The following LARP4B variants were observed in gnomAD, a reference collection of about 807,000 sequenced individuals.
LARP4B encodes the protein la-related protein 4B.
A neutral mutation model predicts 89.8 loss-of-function variants in LARP4B; 12 were observed. The observed-to-expected ratio is 0.13, with a 90% CI of 0.09 to 0.22. LARP4B has a LOEUF of 0.22. Among genes scored for constraint, LARP4B ranks in the 10% least tolerant of loss-of-function variants. The probability of loss-of-function intolerance (pLI) is 1.00; values close to 1 mark genes in which losing one functional copy is unlikely to be tolerated. For missense variants in LARP4B, 757 were observed against 947.7 expected (o/e 0.80, Z 2.64); for synonymous variants, 367 against 363.3 (o/e 1.01, Z -0.12).
intron 3 of LARP4B, among the ~76,000 whole-genome samples, chr10:873,858 C>T (rs1835344584): frequency 6.6e-6 from 1 of 152,000 alleles, no homozygotes; most frequent in Admixed American, 6.6e-5. Flanking sequence ...TTTAAAATGC[C>T]CTAGCAAATA....
chr10:965,008 C>G, the LARP4B span, among the ~76,000 whole-genome samples: 3 of 152,234 alleles, frequency 2.0e-5, no homozygotes, highest in Non-Finnish European at 4.4e-5. Flanking sequence ...GGGGCCTCCA[C>G]CCAGGGCTGC....
intron 5 of LARP4B, among the ~76,000 whole-genome samples, chr10:858,284 G>A (rs1042140741): frequency 5.3e-5 from 8 of 152,060 alleles, no homozygotes; most frequent in South Asian, 2.1e-4. Context: ...GGCGTGCCAC[G>A]ATCGTTCTAT....
At chr10:887,011 C>T (rs1835876210) in intron 1 of LARP4B, among the ~76,000 whole-genome samples, 1 of 152,056 alleles carries the variant, frequency 6.6e-6, no homozygotes, top group African/African-American at 2.4e-5. Flanking sequence ...CGCTTGAACC[C>T]GGGAAGCAGG....
chr10:952,426 G>A, the LARP4B span, among the ~76,000 whole-genome samples: 5 of 139,672 alleles, frequency 3.6e-5, 2 homozygotes, highest in Admixed American at 3.7e-4. Context: ...GGAAGAAATC[G>A]CACCAGCCCA....
intron 5 of LARP4B, among the ~76,000 whole-genome samples, chr10:857,258 A>G (rs1361018496): frequency 2.0e-5 from 3 of 152,134 alleles, no homozygotes; most frequent in Non-Finnish European, 4.4e-5. Flanking sequence ...AAATGGATAA[A>G]GGAGACAGCA....
chr10:808,224 T>G (rs1019326927), downstream of LARP4B: 1 of 152,262 alleles, frequency 6.6e-6, no homozygotes, highest in Non-Finnish European at 1.5e-5. Flanking sequence ...GGGTTTGTTA[T>G]GTGGCAACAG....
At chr10:820,904 G>A (rs540267342) in intron 13 of LARP4B, 59 bp from the exon 14 acceptor site, 1 of 1,467,616 alleles carries the variant, frequency 6.8e-7, no homozygotes, top group Non-Finnish European at 9.5e-7. Context: ...ATTTATTATT[G>A]AGCACGTTTG....
At chr10:883,804 A>G (rs1835763702) in intron 3 of LARP4B, among the ~76,000 whole-genome samples, 1 of 151,128 alleles carries the variant, frequency 6.6e-6, no homozygotes, top group Admixed American at 6.6e-5. Flanking sequence ...TAACAATCCA[A>G]CTCCTCAATT....
chr10:851,376 G>A (rs964227890), intron 5 of LARP4B, among the ~76,000 whole-genome samples: 7 of 152,104 alleles, frequency 4.6e-5, no homozygotes, highest in Non-Finnish European at 5.9e-5. Flanking sequence ...TAGAGATGGC[G>A]TTTCACTATG....
chr10:958,872 C>T, the LARP4B span, among the ~76,000 whole-genome samples: 3 of 152,234 alleles, frequency 2.0e-5, no homozygotes. Flanking sequence ...TTATCAGAGA[C>T]TTCAGGTTGA....
At chr10:951,479 G>A in the LARP4B span, among the ~76,000 whole-genome samples, 1 of 152,084 alleles carries the variant, frequency 6.6e-6, no homozygotes, top group Non-Finnish European at 1.5e-5. Context: ...CCATGAGGTA[G>A]AGGTTGCAAT....
At chr10:960,582 C>T in the LARP4B span, among the ~76,000 whole-genome samples, 1 of 151,710 alleles carries the variant, frequency 6.6e-6, no homozygotes, top group Non-Finnish European at 1.5e-5. Flanking sequence ...TGGTAGCACA[C>T]CTGTAATCTC....
Position 820,840 on chromosome 10 carries a change from T to C in LARP4B, c.1490A>G (p.Asn497Ser). The part of the protein sequence containing the change: ...SSPGLGRGRK[N>S]SFGYRKKREE... Reference sequence around the variant, plus strand: ...CCTTTTCTTCCGGTAGCCAAAGGAATTCTTCCTAGAGGAGTGGAAAGTGAA... The same window carrying C: ...CCTTTTCTTCCGGTAGCCAAAGGAACTCTTCCTAGAGGAGTGGAAAGTGAA... The change falls in exon 14 of 18, where the codon AAT (asparagine) becomes AGT (serine). Residue 497 changes from asparagine to serine, a missense_variant. Transcript: ENST00000316157. 6.2e-7 allele frequency: 1 copy of C among 1,613,888 alleles called. No homozygotes were observed. The highest frequency in any genetic ancestry group is 8.5e-7 in the Non-Finnish European group (1 of 1,179,822).
chr10:982,802 T>G, the LARP4B span, among the ~76,000 whole-genome samples: 1 of 152,192 alleles, frequency 6.6e-6, no homozygotes, highest in African/African-American at 2.4e-5. Context: ...CAATGGAAAG[T>G]GAGCTATGAA....
intron 1 of LARP4B, among the ~76,000 whole-genome samples, chr10:921,738 C>T (rs950541673): frequency 3.9e-5 from 6 of 152,174 alleles, no homozygotes; most frequent in Non-Finnish European, 7.3e-5. Context: ...ATTCTACATC[C>T]CATTTCCAGT....
chr10:825,852 T>C lies in LARP4B; in HGVS notation c.1144A>G (p.Thr382Ala), dbSNP rs750383271. Residue 382 changes from threonine (T) to alanine (A), a missense_variant, in exon 12 of 18, where the codon ACT (threonine) becomes GCT (alanine). Thr to Ala is a moderately conservative substitution (Grantham distance 58). Around this residue, in one of 5 missense-constraint regions of LARP4B, gnomAD observed 137 missense variants for 213.9 expected, o/e 0.64. Transcript: ENST00000316157. Reference sequence around the variant, plus strand: ...GACGTAAACCCATTTATAAATCCAGTATTTGGAAATGGAGTTACCTAGATT... The same window carrying C: ...GACGTAAACCCATTTATAAATCCAGCATTTGGAAATGGAGTTACCTAGATT... Reference protein sequence around the residue: ...DPPLVTPFPNTGFINGFTSPA... With the variant: ...DPPLVTPFPNAGFINGFTSPA... The C allele has an allele frequency of 6.2e-7, 1 of 1,610,510 alleles. No individual in the cohort carries two copies. Among genetic ancestry groups the C allele is most frequent in the Non-Finnish European group, 8.5e-7 (1 of 1,177,488 alleles).
the LARP4B span, among the ~76,000 whole-genome samples, chr10:977,820 ACAGG>A: frequency 6.6e-6 from 1 of 152,178 alleles, no homozygotes; most frequent in Admixed American, 6.5e-5. Flanking sequence ...TTGGGTGTCC[ACAGG>A]GATTCCTGGA....
At chr10:841,848 AT>A (rs1447362537) in intron 7 of LARP4B, among the ~76,000 whole-genome samples, 1 of 152,202 alleles carries the variant, frequency 6.6e-6, no homozygotes, top group East Asian at 1.9e-4. Flanking sequence ...TTAATAACCC[AT>A]GCTATTTGTC....
At chr10:903,176 T>C (rs1836391228) in intron 1 of LARP4B, 1 of 152,408 alleles carries the variant, frequency 6.6e-6, no homozygotes, top group Non-Finnish European at 1.5e-5. Flanking sequence ...AAGCGTCCCC[T>C]ACTTCCACTC....
Sources: gnomAD v4.1 joint callset for allele counts (sites outside exome capture counted in the v4.1 genomes callset) on GRCh38, gnomAD v4.1.1 for gene constraint, gnomAD v4.1.1 regional missense constraint, MANE v1.5 for transcripts, NCBI Gene and HGNC (gene_info 2026-07-23, HGNC 2026-07-21) for gene names.